MAPK6: variants seen among roughly 807,000 people sequenced by gnomAD.
MAPK6 encodes the protein ERK-3.
Under a neutral mutation model 59.3 loss-of-function variants are expected in MAPK6, and 19 were observed. That is an observed-to-expected ratio of 0.32 (90% CI 0.22 to 0.47). MAPK6 has a LOEUF of 0.47. Ranked by LOEUF, MAPK6 falls within the 20% of genes least tolerant of loss-of-function variation. The pLI, the probability that MAPK6 is intolerant of heterozygous loss-of-function variation, is 1.00. For missense variants in MAPK6, 724 were observed against 847.9 expected, an observed-to-expected ratio of 0.85 and a Z score of 1.81; for synonymous variants, 316 against 290.3, an observed-to-expected ratio of 1.09 and a Z score of -0.90.
chr15:52,043,572 C>T (rs965665187), intron 1 of MAPK6, among the ~76,000 whole-genome samples: 1 of 151,960 alleles, frequency 6.6e-6, no homozygotes, highest in Non-Finnish European at 1.5e-5. Flanking sequence ...GCTGGGATTA[C>T]AGGCGTGAGC....
chr15:52,009,180 T>G (rs901228917), intron 3 of MAPK6, among the ~76,000 whole-genome samples: 4 of 152,190 alleles, frequency 2.6e-5, no homozygotes, highest in African/African-American at 9.7e-5. Context: ...CTGCTTTGTC[T>G]CCACAACTCA....
intron 3 of MAPK6, chr15:52,057,036 G>T (rs1488860045): frequency 6.6e-6 from 1 of 152,028 alleles, no homozygotes; most frequent in Non-Finnish European, 1.5e-5. Flanking sequence ...TTTTTCAGTT[G>T]CTTAGACAAA....
At position 52,013,065 on chromosome 15, in the gene MAPK6, C is replaced by G. The variant is rs1450614538; in HGVS notation, c.-632+8663C>G. Reference sequence around the variant, plus strand: ...TATATATATATATATATATATTACACAAGACTAAAGAGGGGAAAATCTGTA... The same window carrying G: ...TATATATATATATATATATATTACAGAAGACTAAAGAGGGGAAAATCTGTA... On this transcript the variant is annotated intron_variant, in intron 3 of 7. Coordinates refer to the MAPK6 transcript ENST00000691380. Among the ~76,000 whole-genome samples, 8 of 75,122 alleles carry G rather than the reference C, an allele frequency of 1.1e-4. No homozygotes were observed. In the East Asian group the frequency reaches 4.2e-3, roughly 39 times the overall value. The allele number at this position is 75,122 out of a possible 152,430, so 49.3% of individuals were successfully genotyped here.
chr15:51,987,126 A>C (rs1261170983), intron 2 of MAPK6, among the ~76,000 whole-genome samples: 1 of 152,216 alleles, frequency 6.6e-6, no homozygotes, highest in Non-Finnish European at 1.5e-5. Flanking sequence ...CTCTGGGAGT[A>C]CTGGAGATTA....
At chr15:52,016,323 A>C (rs528555754), upstream of MAPK6, among the ~76,000 whole-genome samples, 3 of 151,558 alleles carry the variant, frequency 2.0e-5, no homozygotes, top group Non-Finnish European at 2.9e-5. Flanking sequence ...CGGGAGGCGG[A>C]GGTTGCAGTG....
intron 3 of MAPK6, among the ~76,000 whole-genome samples, chr15:52,006,542 A>C (rs2057259253): frequency 6.6e-6 from 1 of 152,248 alleles, no homozygotes; most frequent in African/African-American, 2.4e-5. Flanking sequence ...ACAGAAGTTC[A>C]CAATCATTGT....
intron 1 of MAPK6, among the ~76,000 whole-genome samples, chr15:52,034,447 G>A (rs918797229): frequency 6.6e-6 from 1 of 151,752 alleles, no homozygotes; most frequent in African/African-American, 2.4e-5. Context: ...CAAGTAGCTG[G>A]GACAGGCGCA....
At chr15:51,977,870 A>G (rs1595955707) in intron 1 of MAPK6, among the ~76,000 whole-genome samples, 1 of 151,926 alleles carries the variant, frequency 6.6e-6, no homozygotes, top group South Asian at 2.1e-4. Context: ...TCAGTGAAGG[A>G]GCCCAGGCCA....
rs759161621 is a variant in MAPK6, at chr15:52,061,290, C to T, written c.866-9C>T. The T allele has an allele frequency of 1.3e-5, 21 of 1,610,314 alleles. No homozygotes were observed. The Admixed American group carries it at 3.2e-4, about 24-fold the overall frequency. ...CTTTTCTGAAAAACTTTTACCTTTT[C>T]CTCTGCAGCACTGGATTTCCTGGAA... is the stretch of plus-strand genomic sequence containing the variant. On this transcript the variant is annotated splice_polypyrimidine_tract_variant and intron_variant, in intron 4 of 5. Transcript: ENST00000261845.
chr15:51,976,115 A>G lies in MAPK6; in HGVS notation c.-880+4209A>G, dbSNP rs1338923767. 4.0e-5 allele frequency among the ~76,000 whole-genome samples: 6 copies of G among 151,442 alleles called. No individual in the cohort carries two copies. In the South Asian group the frequency reaches 1.3e-3, roughly 32 times the overall value. The stretch of plus-strand genomic sequence containing the variant: ...CCCCATCTGTACTAAAAATATAAAA[A>G]ATTTGCCGGGCGTGGTGGCACATGC... On this transcript the variant is annotated intron_variant, in intron 1 of 7. Transcript: ENST00000691380.
chr15:52,036,054 G>GAGC (rs1268194382), intron 1 of MAPK6, among the ~76,000 whole-genome samples: 1 of 152,104 alleles, frequency 6.6e-6, no homozygotes, highest in Non-Finnish European at 1.5e-5. Context: ...CAAAATTTGA[G>GAGC]AGCTGGAAGA....
intron 2 of MAPK6, among the ~76,000 whole-genome samples, chr15:52,001,892 G>T (rs1349823612): frequency 6.6e-6 from 1 of 151,832 alleles, no homozygotes; most frequent in Non-Finnish European, 1.5e-5. Flanking sequence ...AGATTTTGGG[G>T]GGCATCAACC....
intron 5 of MAPK6, 40 bp downstream of exon 5, chr15:52,061,540 C>A: frequency 1.4e-6 from 2 of 1,432,282 alleles, no homozygotes; most frequent in Non-Finnish European, 2.0e-6. Flanking sequence ...ATTTACTGAA[C>A]TTTCAGTGGA....
intron 1 of MAPK6, among the ~76,000 whole-genome samples, chr15:52,041,201 G>GT (rs571545292): frequency 5.9e-5 from 9 of 151,792 alleles, no homozygotes; most frequent in Admixed American, 1.3e-4. Context: ...TTGTTTTTTT[G>GT]TTTTTTTGTT....
intron 5 of MAPK6, among the ~76,000 whole-genome samples, chr15:52,063,237 G>A (rs1342927450): frequency 6.6e-6 from 1 of 152,064 alleles, no homozygotes; most frequent in African/African-American, 2.4e-5. Flanking sequence ...GCTAATTTTT[G>A]TATTTTTAGT....
chr15:52,031,355 A>T (rs918435613), intron 1 of MAPK6, among the ~76,000 whole-genome samples: 13 of 152,228 alleles, frequency 8.5e-5, no homozygotes, highest in African/African-American at 3.1e-4. Context: ...AATTTGGTTT[A>T]CAAACCTGGT....
Position 52,027,416 on chromosome 15 carries a change from C to T in MAPK6, c.-632+8040C>T, listed in dbSNP as rs866008381. On this transcript the variant is annotated intron_variant, in intron 1 of 5. Coordinates refer to ENST00000261845, the MANE Select transcript of MAPK6 (RefSeq NM_002748.4). ...GTCCTTAGTAGATGTAAGTTACCTA[C>T]CCTCCCCCTCCTGCTTGGATTTTAT... Among the ~76,000 whole-genome samples, 35 of 145,032 alleles carry T rather than the reference C, an allele frequency of 2.4e-4. 1 individual carries two copies. Among genetic ancestry groups the T allele is most frequent in the Admixed American group, 7.7e-4 (11 of 14,292 alleles).
intron 1 of MAPK6, among the ~76,000 whole-genome samples, chr15:51,981,146 C>G (rs2057171566): frequency 6.6e-6 from 1 of 151,612 alleles, no homozygotes; most frequent in African/African-American, 2.4e-5. Context: ...CAAATATAAG[C>G]TTGGAAAAGG....
chr15:51,979,346 C>T (rs2057166440), intron 1 of MAPK6, among the ~76,000 whole-genome samples: 1 of 151,700 alleles, frequency 6.6e-6, no homozygotes, highest in African/African-American at 2.4e-5. Flanking sequence ...GACATAATAA[C>T]ATAAACATAT....
Sources: gnomAD v4.1 joint callset for allele counts (sites outside exome capture counted in the v4.1 genomes callset) on GRCh38, gnomAD v4.1.1 for gene constraint, MANE v1.5 for transcripts, NCBI Gene and HGNC (gene_info 2026-07-23, HGNC 2026-07-21) for gene names.